Variants in TMC1 observed in about 807,000 individuals in gnomAD.
TMC1 encodes transmembrane channel-like protein 1.
A neutral mutation model predicts 105.8 loss-of-function variants in TMC1; 84 were observed. That is an observed-to-expected ratio of 0.79 (90% CI 0.67 to 0.95). The LOEUF is 0.95. TMC1 is among the 40% of genes least tolerant of loss of function. The pLI, the probability that TMC1 is intolerant of heterozygous loss-of-function variation, is 0.00. For missense variants in TMC1, 817 were observed against 914.1 expected, an observed-to-expected ratio of 0.89 and a Z score of 1.37; for synonymous variants, 315 against 311.5, an observed-to-expected ratio of 1.01 and a Z score of -0.12.
At chr9:72,767,802 C>T (rs138087513) in intron 12 of TMC1, among the ~76,000 whole-genome samples, 36 of 152,242 alleles carry the variant, frequency 2.4e-4, no homozygotes, top group African/African-American at 6.3e-4. Flanking sequence ...GAAAGCAGCA[C>T]GTGCTGATAT....
intron 17 of TMC1, among the ~76,000 whole-genome samples, chr9:72,795,644 G>A (rs921210121): frequency 6.6e-6 from 1 of 152,148 alleles, no homozygotes; most frequent in Admixed American, 6.5e-5. Flanking sequence ...CATCTTGAAA[G>A]GAGCACTAAA....
At chr9:72,626,813 A>G (rs1825355456) in intron 3 of TMC1, among the ~76,000 whole-genome samples, 1 of 152,146 alleles carries the variant, frequency 6.6e-6, no homozygotes, top group Non-Finnish European at 1.5e-5. Context: ...GAAGAATGCC[A>G]AATCTGTGCT....
In TMC1 at chr9:72,646,054, G is replaced by A. The variant is rs1825706393; in HGVS notation, c.-52-2543G>A. On this transcript the variant is annotated intron_variant, in intron 4 of 23. Coordinates refer to ENST00000297784, the MANE Select transcript of TMC1 (RefSeq NM_138691.3). Reference sequence around the variant, plus strand: ...TCACATATATAAATTTTTGGAATCAGCTTATCAAGTCATGTACATTTACTG... The same window carrying A: ...TCACATATATAAATTTTTGGAATCAACTTATCAAGTCATGTACATTTACTG... Among the ~76,000 whole-genome samples, 3 of 152,042 alleles carry A rather than the reference G, an allele frequency of 2.0e-5. No homozygotes were observed. The South Asian group carries it at 6.2e-4, about 32-fold the overall frequency.
rs553841075 is a variant in TMC1 at position 72,771,430 on chromosome 9, C to T, written c.742-983C>T. Among the ~76,000 whole-genome samples, 11 of 152,274 alleles carry T rather than the reference C, an allele frequency of 7.2e-5. No individual in the cohort carries two copies. In the South Asian group the frequency reaches 2.1e-3, roughly 29 times the overall value. On this transcript the variant is annotated intron_variant, in intron 12 of 23. Transcript: ENST00000297784. ...TCTTTTCCACACCTCCACTCTCCCC[C>T]ACTTCACTTCCCTTCTTCAGCTGTG...
At position 72,762,824 on chromosome 9, in the gene TMC1, C is replaced by T. The variant is rs74997456; in HGVS notation, c.741+7940C>T. On this transcript the variant is annotated intron_variant, in intron 12 of 23. Transcript: ENST00000297784. ...ATCAAAGGGCTCTGTCCCTTATTTACTTCACTTCCTCAATGTCCAGTGTGG... is the reference window on the plus strand; with the variant it reads ...ATCAAAGGGCTCTGTCCCTTATTTATTTCACTTCCTCAATGTCCAGTGTGG... Among the ~76,000 whole-genome samples, 508 of 152,286 alleles carry T rather than the reference C, an allele frequency of 3.3e-3. 3 individuals are homozygous for T. Among genetic ancestry groups the T allele is most frequent in the African/African-American group, 0.011 (477 of 41,546 alleles).
intron 18 of TMC1, among the ~76,000 whole-genome samples, chr9:72,806,865 A>G (rs1042880688): frequency 8.5e-5 from 13 of 152,192 alleles, no homozygotes; most frequent in Non-Finnish European, 1.6e-4. Context: ...ACGGGGTGGC[A>G]GCCGAGCAGA....
intron 8 of TMC1, among the ~76,000 whole-genome samples, chr9:72,702,537 T>G (rs911587512): frequency 2.6e-5 from 4 of 152,034 alleles, no homozygotes; most frequent in Non-Finnish European, 5.9e-5. Flanking sequence ...GAAACCTAAG[T>G]TGTAGTTATT....
chr9:72,738,198 T>A (rs927628188), intron 8 of TMC1, among the ~76,000 whole-genome samples: 1 of 152,182 alleles, frequency 6.6e-6, no homozygotes, highest in African/African-American at 2.4e-5. Flanking sequence ...ATTTGGGAGT[T>A]CTGTTTGATG....
intron 2 of TMC1, among the ~76,000 whole-genome samples, chr9:72,602,218 G>A (rs1824827992): frequency 6.6e-6 from 1 of 151,966 alleles, no homozygotes; most frequent in Non-Finnish European, 1.5e-5. Flanking sequence ...GGACACAGGT[G>A]GTTTTAGTAT....
At chr9:72,782,241 G>A (rs921983431) in intron 13 of TMC1, among the ~76,000 whole-genome samples, 2 of 152,106 alleles carry the variant, frequency 1.3e-5, no homozygotes, top group Non-Finnish European at 2.9e-5. Context: ...CGCAGAAAAG[G>A]CTTTGGATAA....
intron 5 of TMC1, among the ~76,000 whole-genome samples, chr9:72,654,717 A>C (rs1217326861): frequency 6.6e-6 from 1 of 152,016 alleles, no homozygotes; most frequent in Non-Finnish European, 1.5e-5. Flanking sequence ...TTAAATATTA[A>C]ATTCTTTAAA....
rs376768305 is a variant in TMC1, at chr9:72,751,920, C to T, written c.606C>T (p.Leu202=). 6.2e-7 allele frequency: 1 copy of T among 1,613,436 alleles called. No homozygotes were observed. The highest frequency in any genetic ancestry group is 8.5e-7 in the Non-Finnish European group (1 of 1,179,516). The part of the protein sequence containing the change: ...LRWMYGVNMV[L]FILTFSLIML... ...GGATGTATGGAGTCAATATGGTTCTCTTTATCCTGACATTTAGCCTCATCA... is the reference window on the plus strand; with the variant it reads ...GGATGTATGGAGTCAATATGGTTCTTTTTATCCTGACATTTAGCCTCATCA... Residue 202 remains leucine (L), a synonymous_variant, in exon 11 of 24, where the codon CTC becomes CTT. Transcript: ENST00000297784.
chr9:72,525,821 C>T lies in TMC1; in HGVS notation c.-428+3908C>T, dbSNP rs533696452. ...TGGCCAACATGGCAAAACCCCGTCT[C>T]TACTAAAAATACAAAAATTAGCCGG... On this transcript the variant is annotated intron_variant, in intron 1 of 23. Coordinates refer to ENST00000297784, the MANE Select transcript of TMC1 (RefSeq NM_138691.3). Among the ~76,000 whole-genome samples the T allele has an allele frequency of 9.1e-4, 139 of 152,300 alleles. No individual in the cohort carries two copies. In the Middle Eastern group the frequency reaches 0.01, roughly 11 times the overall value.
chr9:72,721,077 G>T (rs951102628), intron 8 of TMC1, among the ~76,000 whole-genome samples: 5 of 152,278 alleles, frequency 3.3e-5, no homozygotes, highest in African/African-American at 1.2e-4. Flanking sequence ...GATGATGAAA[G>T]AAACCAGAAT....
intron 11 of TMC1, among the ~76,000 whole-genome samples, chr9:72,752,688 T>C (rs746786): frequency 0.27 from 41,300 of 152,012 alleles, 6,153 homozygotes; most frequent in East Asian, 0.39. Flanking sequence ...AGAAGTTGGA[T>C]TAGGTTTTAG....
At chr9:72,755,070 G>GA (rs1491457685) in intron 12 of TMC1, among the ~76,000 whole-genome samples, 186 bp downstream of exon 12, 5 of 100,224 alleles carry the variant, frequency 5.0e-5, no homozygotes, top group South Asian at 3.6e-4. Flanking sequence ...GAGGGAGGGA[G>GA]GGAGAGAGAG....
chr9:72,598,134 C>G (rs922658783), intron 2 of TMC1, among the ~76,000 whole-genome samples: 3 of 152,246 alleles, frequency 2.0e-5, no homozygotes, highest in African/African-American at 7.2e-5. Context: ...CACTATGTAG[C>G]TTGGCTATCA....
chr9:72,557,216 CA>C (rs1264788631), intron 1 of TMC1, among the ~76,000 whole-genome samples: 2 of 152,026 alleles, frequency 1.3e-5, no homozygotes, highest in East Asian at 3.9e-4. Context: ...ACTAAAAATA[CA>C]AACAATAGCC....
chr9:72,782,943 T>G (rs1349243868), intron 13 of TMC1, among the ~76,000 whole-genome samples: 1 of 152,060 alleles, frequency 6.6e-6, no homozygotes, highest in Admixed American at 6.6e-5. Flanking sequence ...CTATTTAACA[T>G]TCATATGGAA....
Sources: allele counts gnomAD v4.1 joint callset (sites outside exome capture counted in the v4.1 genomes callset), GRCh38; gene constraint gnomAD v4.1.1; transcripts MANE v1.5; gene names NCBI Gene and HGNC (gene_info 2026-07-23, HGNC 2026-07-21).